Variants in SNX24 observed in about 807,000 individuals in gnomAD.
SNX24 encodes the protein sorting nexin 24.
A neutral mutation model predicts 28.7 loss-of-function variants in SNX24; 22 were observed. That is an observed-to-expected ratio of 0.77 (90% CI 0.55 to 1.10). The LOEUF (loss-of-function observed/expected upper bound fraction) is 1.10, where lower values mean the gene tolerates loss of function less well. Ranked by LOEUF, SNX24 falls within the 50% of genes least tolerant of loss-of-function variation. SNX24 has a pLI of 0.00. For missense variants in SNX24, 221 were observed against 201.1 expected (o/e 1.10, Z -0.60); for synonymous variants, 69 against 71.5 (o/e 0.96, Z 0.18).
At chr5:122,997,950 A>T (rs1481025684) in intron 3 of SNX24, among the ~76,000 whole-genome samples, 1 of 152,144 alleles carries the variant, frequency 6.6e-6, no homozygotes, top group East Asian at 1.9e-4. Flanking sequence ...AAAAACAATC[A>T]TTGAAACATG....
chr5:122,846,957 CTT>C (rs34047045), intron 1 of SNX24, among the ~76,000 whole-genome samples: 6 of 141,428 alleles, frequency 4.2e-5, no homozygotes, highest in Admixed American at 7.1e-5. Flanking sequence ...TTGTTCAAGG[CTT>C]TTTTTTTTTT....
chr5:122,962,508 T>C (rs962781046), intron 3 of SNX24, among the ~76,000 whole-genome samples: 4 of 152,230 alleles, frequency 2.6e-5, no homozygotes, highest in Non-Finnish European at 5.9e-5. Context: ...AGGAAAACAG[T>C]ACACTCTCTT....
intron 3 of SNX24, among the ~76,000 whole-genome samples, chr5:122,989,848 C>T (rs545844430): frequency 6.6e-6 from 1 of 152,174 alleles, no homozygotes; most frequent in Non-Finnish European, 1.5e-5. Context: ...GGCTAGGGTA[C>T]ATATGTTTTT....
intron 1 of SNX24, among the ~76,000 whole-genome samples, chr5:122,875,863 C>T (rs1164887466): frequency 6.6e-6 from 1 of 152,220 alleles, no homozygotes; most frequent in African/African-American, 2.4e-5. Flanking sequence ...AGTCTTGGCT[C>T]ACTGCAACCT....
At chr5:123,014,276 C>T (rs890681994) in intron 5 of SNX24, among the ~76,000 whole-genome samples, 4 of 151,514 alleles carry the variant, frequency 2.6e-5, no homozygotes, top group Non-Finnish European at 5.9e-5. Flanking sequence ...AAGCAATCAT[C>T]CCACCTCAGC....
chr5:122,980,901 A>G (rs1282889060), intron 3 of SNX24, among the ~76,000 whole-genome samples: 1 of 152,114 alleles, frequency 6.6e-6, no homozygotes, highest in Non-Finnish European at 1.5e-5. Flanking sequence ...ATGGGAACAG[A>G]GAGCCATTGC....
intron 1 of SNX24, among the ~76,000 whole-genome samples, chr5:122,855,765 T>A (rs1256636652): frequency 1.3e-5 from 2 of 152,200 alleles, no homozygotes; most frequent in Non-Finnish European, 2.9e-5. Flanking sequence ...ACCACTTTCT[T>A]TGCCCTTCCT....
At chr5:122,862,135 G>T (rs1755488075) in intron 1 of SNX24, among the ~76,000 whole-genome samples, 1 of 152,158 alleles carries the variant, frequency 6.6e-6, no homozygotes, top group Non-Finnish European at 1.5e-5. Flanking sequence ...AGGGTAAGAA[G>T]TGTGGATAGT....
chr5:122,994,120 C>G (rs74811730), intron 3 of SNX24, among the ~76,000 whole-genome samples: 1 of 152,210 alleles, frequency 6.6e-6, no homozygotes, highest in East Asian at 1.9e-4. Flanking sequence ...CAACACAGCC[C>G]TGTGCTATGA....
In SNX24 at chr5:122,924,078, T is replaced by A. The variant is rs190913859; in HGVS notation, c.61-12656T>A. On this transcript the variant is annotated intron_variant, in intron 1 of 6. Transcript: ENST00000261369. ...TCTGAGAAAGCAAATAATACAGTAG[T>A]CCCCCCTTATCCTCAGGTGTTATGT... is the stretch of plus-strand genomic sequence containing the variant. Among the ~76,000 whole-genome samples the A allele has an allele frequency of 3.8e-3, 585 of 152,160 alleles. 6 individuals carry two copies. The highest frequency in any genetic ancestry group is 0.013 in the African/African-American group (530 of 41,506).
At chr5:122,871,666 A>G (rs2150052154) in intron 1 of SNX24, among the ~76,000 whole-genome samples, 1 of 152,248 alleles carries the variant, frequency 6.6e-6, no homozygotes, top group South Asian at 2.1e-4. Flanking sequence ...GCTACTCGGG[A>G]GGCTGAGGCA....
intron 5 of SNX24, chr5:123,025,826 C>T: frequency 6.2e-7 from 1 of 1,613,914 alleles, no homozygotes; most frequent in Non-Finnish European, 8.5e-7. Flanking sequence ...GTTTGCCGTC[C>T]AACCAGGTGG....
chr5:122,937,969 C>G (rs1391020166), intron 2 of SNX24, among the ~76,000 whole-genome samples: 1 of 152,130 alleles, frequency 6.6e-6, no homozygotes, highest in Non-Finnish European at 1.5e-5. Flanking sequence ...TAAGTCCCTA[C>G]TGTGGGATTA....
chr5:122,974,414 G>GA (rs1761085000), intron 3 of SNX24, among the ~76,000 whole-genome samples: 1 of 152,248 alleles, frequency 6.6e-6, no homozygotes, highest in Non-Finnish European at 1.5e-5. Flanking sequence ...ACACAAAATC[G>GA]AGAGTTGTTG....
chr5:123,017,066 A>G (rs1762691995), intron 5 of SNX24, among the ~76,000 whole-genome samples: 1 of 152,112 alleles, frequency 6.6e-6, no homozygotes, highest in Non-Finnish European at 1.5e-5. Flanking sequence ...GTCAGGAACA[A>G]AGCAGAGCAC....
At chr5:122,865,212 G>C (rs154507) in intron 1 of SNX24, among the ~76,000 whole-genome samples, 99,269 of 152,174 alleles carry the variant, frequency 0.65, 33,259 homozygotes, top group African/African-American at 0.81. Context: ...ATAAAATTAA[G>C]CATGAAAAGC....
chr5:123,029,116 T>G, intron 5 of SNX24: 1 of 1,081,990 alleles, frequency 9.2e-7, no homozygotes, highest in Non-Finnish European at 1.3e-6. Context: ...TGATGATGAT[T>G]TTCTCCCAAT....
At chr5:122,968,571 GT>G (rs1760814695) in intron 3 of SNX24, among the ~76,000 whole-genome samples, 1 of 152,164 alleles carries the variant, frequency 6.6e-6, no homozygotes, top group African/African-American at 2.4e-5. Context: ...AATAAGTATT[GT>G]GATTTAGCAA....
chr5:122,845,729 G>A (rs1305786336), intron 1 of SNX24, 36 bp downstream of exon 1: 1 of 1,288,740 alleles, frequency 7.8e-7, no homozygotes, highest in Non-Finnish European at 1.0e-6. Flanking sequence ...GGCCCCGCGA[G>A]CCAGGCCTGC....
Sources: allele counts gnomAD v4.1 joint callset (sites outside exome capture counted in the v4.1 genomes callset), GRCh38; gene constraint gnomAD v4.1.1; transcripts MANE v1.5; gene names NCBI Gene and HGNC (gene_info 2026-07-23, HGNC 2026-07-21).